Variants in COL24A1 observed in about 807,000 individuals in gnomAD.
The protein encoded by COL24A1 is collagen alpha-1(XXIV) chain.
In COL24A1, 224 loss-of-function variants were observed where a neutral mutation model predicts 253.9. The ratio of observed to expected loss-of-function variants is 0.88; its 90% CI spans 0.79 to 0.99. COL24A1 has a LOEUF of 0.99. COL24A1 is among the 50% of genes least tolerant of loss of function. COL24A1 has a pLI of 0.00. For missense variants in COL24A1, 2,131 were observed against 2,068.5 expected (o/e 1.03, Z -0.59); for synonymous variants, 685 against 673.7 (o/e 1.02, Z -0.26).
intron 19 of COL24A1, among the ~76,000 whole-genome samples, chr1:86,005,745 C>A (rs918295661): frequency 1.4e-5 from 2 of 146,094 alleles, no homozygotes; most frequent in Non-Finnish European, 3.0e-5. Context: ...AAAAGAAAAA[C>A]CATACAGATT....
At chr1:85,992,663 C>T (rs150932219) in intron 19 of COL24A1, among the ~76,000 whole-genome samples, 15 of 152,054 alleles carry the variant, frequency 9.9e-5, no homozygotes, top group African/African-American at 2.2e-4. Context: ...TAGCATGAAA[C>T]GATACAGGAA....
At chr1:86,116,786 CT>C (rs773512405) in intron 3 of COL24A1, among the ~76,000 whole-genome samples, 61 of 152,184 alleles carry the variant, frequency 4.0e-4, no homozygotes, top group Non-Finnish European at 7.2e-4. Flanking sequence ...CTCTTACCCC[CT>C]AAATTTATAA....
At chr1:86,138,817 T>G (rs1365221489) in intron 2 of COL24A1, among the ~76,000 whole-genome samples, 1 of 152,094 alleles carries the variant, frequency 6.6e-6, no homozygotes, top group Non-Finnish European at 1.5e-5. Context: ...GTACTCTTCC[T>G]TGAATTTCTT....
intron 37 of COL24A1, among the ~76,000 whole-genome samples, chr1:85,865,621 G>T (rs1276160272): frequency 6.6e-6 from 1 of 152,008 alleles, no homozygotes; most frequent in African/African-American, 2.4e-5. Flanking sequence ...GGTATTCTAC[G>T]GTATATGTTT....
chr1:85,798,481 G>C (rs1402930242), intron 47 of COL24A1, among the ~76,000 whole-genome samples: 1 of 152,012 alleles, frequency 6.6e-6, no homozygotes, highest in African/African-American at 2.4e-5. Context: ...ATGTAGGTCT[G>C]GACAAAGAAT....
intron 2 of COL24A1, among the ~76,000 whole-genome samples, chr1:86,141,340 G>A (rs979757896): frequency 3.3e-5 from 5 of 152,162 alleles, no homozygotes; most frequent in African/African-American, 1.2e-4. Context: ...TGTATAAGAA[G>A]TTTCCAGACT....
At chr1:85,988,918 C>G (rs1451442834) in intron 19 of COL24A1, among the ~76,000 whole-genome samples, 1 of 152,100 alleles carries the variant, frequency 6.6e-6, no homozygotes, top group African/African-American at 2.4e-5. Context: ...GAAAGATGAT[C>G]ACAAGATCAG....
intron 19 of COL24A1, among the ~76,000 whole-genome samples, chr1:86,007,049 A>AAAAAAT (rs1553256861): frequency 6.6e-6 from 1 of 150,992 alleles, no homozygotes; most frequent in African/African-American, 2.5e-5. Flanking sequence ...TTGTCTCTAC[A>AAAAAAT]AATAATAATA....
intron 1 of COL24A1, among the ~76,000 whole-genome samples, chr1:86,150,648 TAGTC>T (rs1323522218): frequency 2.6e-5 from 4 of 152,176 alleles, no homozygotes; most frequent in African/African-American, 9.6e-5. Flanking sequence ...TTCATTGACA[TAGTC>T]AGTTTGATAA....
At chr1:86,098,089 C>A (rs1255816523) in intron 5 of COL24A1, among the ~76,000 whole-genome samples, 1 of 152,124 alleles carries the variant, frequency 6.6e-6, no homozygotes, top group East Asian at 1.9e-4. Flanking sequence ...GGAGGGGATT[C>A]AACCCTTGAA....
intron 24 of COL24A1, among the ~76,000 whole-genome samples, chr1:85,923,236 C>G (rs879414331): frequency 4.6e-5 from 7 of 152,122 alleles, no homozygotes; most frequent in Admixed American, 4.6e-4. Context: ...CTTTAACACC[C>G]CATTGTCAAT....
intron 12 of COL24A1, among the ~76,000 whole-genome samples, chr1:86,046,258 T>A (rs865871818): frequency 6.6e-6 from 1 of 152,146 alleles, no homozygotes; most frequent in Non-Finnish European, 1.5e-5. Flanking sequence ...AAGAAGAACC[T>A]CAGGATGCCT....
chr1:86,134,372 A>G (rs562585053), intron 2 of COL24A1, among the ~76,000 whole-genome samples: 60 of 151,364 alleles, frequency 4.0e-4, no homozygotes, highest in Admixed American at 7.2e-4. Flanking sequence ...GATCTTAGTT[A>G]TTTCTTGCTT....
At chr1:85,833,538 C>T (rs1289735119) in intron 43 of COL24A1, among the ~76,000 whole-genome samples, 1 of 152,142 alleles carries the variant, frequency 6.6e-6, no homozygotes, top group Non-Finnish European at 1.5e-5. Context: ...CTAGTTCAAC[C>T]ATTGTGGAAG....
At chr1:85,826,371 T>C (rs1321123241) in intron 43 of COL24A1, among the ~76,000 whole-genome samples, 32 of 142,154 alleles carry the variant, frequency 2.3e-4, no homozygotes, top group Non-Finnish European at 4.5e-4. Flanking sequence ...TGCCTCCAGC[T>C]TTGTTCTTTT....
At chr1:86,067,006 G>C (rs1701542524) in intron 7 of COL24A1, among the ~76,000 whole-genome samples, 1 of 152,044 alleles carries the variant, frequency 6.6e-6, no homozygotes, top group Admixed American at 6.6e-5. Context: ...AGGTGTGGTG[G>C]CGTTTTCCTG....
At chr1:86,116,312 A>G (rs1706131696) in intron 3 of COL24A1, among the ~76,000 whole-genome samples, 1 of 152,206 alleles carries the variant, frequency 6.6e-6, no homozygotes, top group Non-Finnish European at 1.5e-5. Flanking sequence ...TCAGGGTTAA[A>G]ATACTAGCCT....
chr1:85,961,719 A>T (rs1254112188), intron 23 of COL24A1, among the ~76,000 whole-genome samples: 1 of 152,206 alleles, frequency 6.6e-6, no homozygotes, highest in Non-Finnish European at 1.5e-5. Flanking sequence ...AGGCCTCAGG[A>T]AGCTTACAAT....
chr1:85,970,274 T>TAAA lies in COL24A1; in HGVS notation c.2419-6_2419-4dup. Reference sequence around the variant, plus strand: ...GCTCCAATTGGTCCTTCTTCTCCCTTAAAAAAAAAAAAAGTCAGAACATAT... The same window carrying TAAA: ...GCTCCAATTGGTCCTTCTTCTCCCTTAAAAAAAAAAAAAAAAGTCAGAACATAT... On this transcript the variant is annotated splice_polypyrimidine_tract_variant and splice_region_variant and intron_variant, in intron 21 of 59. Transcript: ENST00000370571. The TAAA allele has an allele frequency of 1.7e-5, 23 of 1,349,400 alleles. No individual in the cohort carries two copies. Among genetic ancestry groups the TAAA allele is most frequent in the Admixed American group, 8.7e-5 (4 of 45,838 alleles). 83.6% of individuals were successfully genotyped at this position (1,349,400 alleles called of 1,614,324 possible).
Sources: allele counts gnomAD v4.1 joint callset (sites outside exome capture counted in the v4.1 genomes callset), GRCh38; gene constraint gnomAD v4.1.1; transcripts MANE v1.5; gene names NCBI Gene and HGNC (gene_info 2026-07-23, HGNC 2026-07-21).